The following ATP9A variants were observed in gnomAD, a reference collection of about 807,000 sequenced individuals.
ATP9A encodes probable phospholipid-transporting ATPase IIA.
A neutral mutation model predicts 144.1 loss-of-function variants in ATP9A; 52 were observed. The ratio of observed to expected loss-of-function variants is 0.36; its 90% CI spans 0.29 to 0.45. The LOEUF is 0.45. Ranked by LOEUF, ATP9A falls within the 20% of genes least tolerant of loss-of-function variation. The pLI is 1.00. For synonymous variants in ATP9A, 582 were observed against 557.4 expected (o/e 1.04, Z -0.62); for missense variants, 947 against 1,392.7 (o/e 0.68, Z 5.09).
intron 15 of ATP9A, among the ~76,000 whole-genome samples, chr20:51,638,674 G>T (rs1300305172): frequency 2.0e-5 from 3 of 152,124 alleles, no homozygotes; most frequent in African/African-American, 4.8e-5. Context: ...ACCAGCCTGG[G>T]CAGCACAGTG....
At chr20:51,617,686 T>A in intron 21 of ATP9A, 132 bp from the exon 22 acceptor site, 1 of 961,550 alleles carries the variant, frequency 1.0e-6, no homozygotes. Context: ...GTCCATTCCA[T>A]CTCTCCAACC....
chr20:51,647,099 A>G (rs2077345262), intron 14 of ATP9A, among the ~76,000 whole-genome samples: 3 of 152,024 alleles, frequency 2.0e-5, no homozygotes. Context: ...AGCTTGGGCA[A>G]CAGAGCAAGA....
intron 9 of ATP9A, among the ~76,000 whole-genome samples, chr20:51,681,048 A>T (rs1019567262): frequency 3.9e-5 from 6 of 152,206 alleles, no homozygotes; most frequent in Non-Finnish European, 7.3e-5. Flanking sequence ...TGTCTGAAAT[A>T]TCTTTCTTCT....
At chr20:51,730,723 T>C (rs952744692) in intron 1 of ATP9A, among the ~76,000 whole-genome samples, 6 of 152,208 alleles carry the variant, frequency 3.9e-5, no homozygotes, top group African/African-American at 1.4e-4. Flanking sequence ...CAGGCAGTGG[T>C]AGCACAATGG....
chr20:51,656,555 G>A (rs2077387691), intron 14 of ATP9A, among the ~76,000 whole-genome samples: 1 of 151,894 alleles, frequency 6.6e-6, no homozygotes, highest in Middle Eastern at 3.4e-3. Flanking sequence ...TGTATCTCGG[G>A]GAAAAAAATA....
At chr20:51,690,615 T>A in intron 8 of ATP9A, 124 bp downstream of exon 8, 1 of 813,570 alleles carries the variant, frequency 1.2e-6, no homozygotes. Flanking sequence ...AGGCGGTGCC[T>A]TCTTTATGTC....
At chr20:51,748,050 G>A (rs2077815798) in intron 1 of ATP9A, among the ~76,000 whole-genome samples, 2 of 152,188 alleles carry the variant, frequency 1.3e-5, no homozygotes, top group Admixed American at 1.3e-4. Flanking sequence ...TTCACAAGGA[G>A]AGGAGGAAGC....
intron 4 of ATP9A, among the ~76,000 whole-genome samples, chr20:51,701,779 C>T (rs2077594162): frequency 6.6e-6 from 1 of 152,200 alleles, no homozygotes; most frequent in Non-Finnish European, 1.5e-5. Context: ...TGAACAAACA[C>T]AGATTCCCAG....
intron 3 of ATP9A, among the ~76,000 whole-genome samples, chr20:51,724,849 A>C (rs62226698): frequency 0.068 from 10,299 of 152,206 alleles, 798 homozygotes; most frequent in African/African-American, 0.19. Flanking sequence ...AACCCCTCAC[A>C]CTCAAATACT....
intron 13 of ATP9A, among the ~76,000 whole-genome samples, chr20:51,661,087 G>A (rs1009589186): frequency 6.6e-6 from 1 of 152,082 alleles, no homozygotes; most frequent in Non-Finnish European, 1.5e-5. Context: ...CGGGTGTCTC[G>A]AATCCTATAA....
chr20:51,730,423 G>A (rs576025247), intron 1 of ATP9A, among the ~76,000 whole-genome samples: 122 of 152,234 alleles, frequency 8.0e-4, no homozygotes, highest in South Asian at 7.5e-3. Flanking sequence ...AGCCAAGATC[G>A]CACCACTGCA....
intron 4 of ATP9A, among the ~76,000 whole-genome samples, chr20:51,707,889 G>A (rs2077621377): frequency 6.6e-6 from 1 of 151,832 alleles, no homozygotes; most frequent in Admixed American, 6.6e-5. Flanking sequence ...TTTTAGAGAT[G>A]GAGTCTGGCT....
intron 1 of ATP9A, among the ~76,000 whole-genome samples, chr20:51,731,258 C>T (rs2077739867): frequency 6.7e-6 from 1 of 150,090 alleles, no homozygotes; most frequent in Non-Finnish European, 1.5e-5. Context: ...GAGCTATTGC[C>T]ACTGCACTCC....
In ATP9A at chr20:51,669,674, A is replaced by G. The variant is rs145100744; in HGVS notation, c.1293+323T>C. On this transcript the variant is annotated intron_variant, in intron 13 of 27. Transcript: ENST00000338821. Reference sequence around the variant, plus strand: ...TCCTAATGTCCATCAGCACTTCAGCAGAGCAGATTAGCCCTGAAGATAGGG... The same window carrying G: ...TCCTAATGTCCATCAGCACTTCAGCGGAGCAGATTAGCCCTGAAGATAGGG... Among the ~76,000 whole-genome samples, 594 of 152,348 alleles carry G rather than the reference A, an allele frequency of 3.9e-3. 5 individuals are homozygous for G. The highest frequency in any genetic ancestry group is 0.014 in the African/African-American group (566 of 41,578).
rs1239887058 is a variant in ATP9A at position 51,617,636 on chromosome 20, C to T, written c.2351-82G>A. 2.7e-6 allele frequency: 4 copies of T among 1,493,618 alleles called. No individual in the cohort carries two copies. In the African/African-American group the frequency reaches 4.2e-5, roughly 16 times the overall value. The allele number at this position is 1,493,618 out of a possible 1,614,324, so 92.5% of individuals were successfully genotyped here. ...TGTATGCTTGTCTTTACCGCACTCT[C>T]GTCTTTCACGGAGCGCTTGCTGAGT... On this transcript the variant is annotated intron_variant, in intron 21 of 27. Coordinates refer to ENST00000338821, the MANE Select transcript of ATP9A (RefSeq NM_006045.3).
chr20:51,669,395 T>C (rs948019675), intron 13 of ATP9A, among the ~76,000 whole-genome samples: 1 of 152,148 alleles, frequency 6.6e-6, no homozygotes, highest in Non-Finnish European at 1.5e-5. Flanking sequence ...AAAATAAAGG[T>C]AGGAACAGAT....
chr20:51,628,278 A>G (rs865826507), intron 16 of ATP9A, among the ~76,000 whole-genome samples: 6 of 152,222 alleles, frequency 3.9e-5, no homozygotes, highest in South Asian at 2.1e-4. Flanking sequence ...AAATGGCCTG[A>G]AAACTGCCTC....
chr20:51,610,431 G>A (rs1370170777), intron 23 of ATP9A, among the ~76,000 whole-genome samples: 2 of 152,170 alleles, frequency 1.3e-5, no homozygotes, highest in Non-Finnish European at 2.9e-5. Flanking sequence ...TTCCTAAGCA[G>A]CAAATCTAGG....
At chr20:51,701,012 C>A (rs115867321) in intron 4 of ATP9A, among the ~76,000 whole-genome samples, 3 of 152,132 alleles carry the variant, frequency 2.0e-5, no homozygotes, top group Non-Finnish European at 4.4e-5. Flanking sequence ...GAAGGAAGAC[C>A]GTAAATTCAA....
Sources: gnomAD v4.1 joint callset for allele counts (sites outside exome capture counted in the v4.1 genomes callset) on GRCh38, gnomAD v4.1.1 for gene constraint, MANE v1.5 for transcripts, NCBI Gene and HGNC (gene_info 2026-07-23, HGNC 2026-07-21) for gene names.